The following JMY variants were observed in gnomAD, a reference collection of about 807,000 sequenced individuals.
The protein encoded by JMY is junction-mediating and -regulatory protein.
In JMY, 46 loss-of-function variants were observed where a neutral mutation model predicts 103.3. The observed-to-expected ratio is 0.45, with a 90% CI of 0.35 to 0.57. The LOEUF (loss-of-function observed/expected upper bound fraction) is 0.57, where lower values mean the gene tolerates loss of function less well. Among genes scored for constraint, JMY ranks in the 20% least tolerant of loss-of-function variants. The pLI, the probability that JMY is intolerant of heterozygous loss-of-function variation, is 0.00. For missense variants in JMY, 1,238 were observed against 1,255.2 expected, an observed-to-expected ratio of 0.99 and a Z score of 0.21; for synonymous variants, 526 against 489.3, an observed-to-expected ratio of 1.07 and a Z score of -0.99.
chr5:79,255,166 G>A (rs565279023), intron 1 of JMY, among the ~76,000 whole-genome samples: 24 of 143,830 alleles, frequency 1.7e-4, no homozygotes, highest in Non-Finnish European at 3.1e-4. Flanking sequence ...GTGCCATCTC[G>A]ACTCACTGCA....
intron 2 of JMY, among the ~76,000 whole-genome samples, chr5:79,281,108 G>A (rs1222794911): frequency 6.6e-6 from 1 of 151,624 alleles, no homozygotes; most frequent in East Asian, 1.9e-4. Context: ...GCAGTGGCGC[G>A]ATTTTGGCTC....
At chr5:79,298,959 G>T (rs1430502117) in intron 4 of JMY, among the ~76,000 whole-genome samples, 1 of 148,068 alleles carries the variant, frequency 6.8e-6, no homozygotes, top group East Asian at 2.0e-4. Flanking sequence ...AGGAAAATAA[G>T]AATTCACTGT....
chr5:79,257,849 G>A (rs924369827), intron 1 of JMY, among the ~76,000 whole-genome samples: 24 of 151,898 alleles, frequency 1.6e-4, no homozygotes, highest in African/African-American at 5.8e-4. Context: ...TGCAACTTCT[G>A]CCTCCTGTGT....
At chr5:79,254,185 C>A (rs1159143945) in intron 1 of JMY, among the ~76,000 whole-genome samples, 2 of 151,508 alleles carry the variant, frequency 1.3e-5, no homozygotes, top group Non-Finnish European at 2.9e-5. Flanking sequence ...AAACTCCTGA[C>A]CTCGTTCGTG....
intron 1 of JMY, among the ~76,000 whole-genome samples, chr5:79,270,418 T>C (rs1296491103): frequency 1.1e-5 from 1 of 90,382 alleles, no homozygotes; most frequent in African/African-American, 4.1e-5. Context: ...ATATTTAAAA[T>C]ATATATTTAC....
Position 79,278,071 on chromosome 5 carries a change from A to T in JMY, c.1194A>T (p.Arg398Ser). 1.9e-6 allele frequency: 3 copies of T among 1,611,854 alleles called. No homozygotes were observed. ...RDMRELAMLRRQQIKISMEND... is the reference protein window; with the variant it reads ...RDMRELAMLRSQQIKISMEND... ...TGAGAGAACTTGCCATGCTACGAAG[A>T]CAGCAGATCAAGGTATTTTTTTATT... is the stretch of plus-strand genomic sequence containing the variant. The change falls in exon 2 of 11, where the codon AGA becomes AGT. Residue 398 changes from arginine to serine, a missense_variant. Transcript: ENST00000396137.
chr5:79,277,497 G>A (rs1358578082), intron 1 of JMY, among the ~76,000 whole-genome samples: 1 of 151,974 alleles, frequency 6.6e-6, no homozygotes, highest in African/African-American at 2.4e-5. Flanking sequence ...AACTAGCCAG[G>A]TGTGGTGGTG....
intron 6 of JMY, among the ~76,000 whole-genome samples, chr5:79,305,450 CA>C (rs879681484): frequency 2.6e-4 from 37 of 141,380 alleles, no homozygotes; most frequent in Admixed American, 7.8e-4. Flanking sequence ...GACTCCATCT[CA>C]AAAAAAAAAA....
intron 2 of JMY, chr5:79,284,522 A>G: frequency 6.3e-7 from 1 of 1,585,280 alleles, no homozygotes; most frequent in Non-Finnish European, 8.6e-7. Context: ...CAGACGAAGC[A>G]AGTAACCATC....
At chr5:79,312,982 C>T (rs1292131390) in intron 8 of JMY, among the ~76,000 whole-genome samples, 1 of 152,168 alleles carries the variant, frequency 6.6e-6, no homozygotes, top group East Asian at 1.9e-4. Flanking sequence ...AGTATCCACA[C>T]ATCTCCTCAG....
At chr5:79,311,521 G>A (rs1162203722) in intron 7 of JMY, among the ~76,000 whole-genome samples, 1 of 152,144 alleles carries the variant, frequency 6.6e-6, no homozygotes, top group Non-Finnish European at 1.5e-5. Flanking sequence ...ATTTCCATTT[G>A]AAATTATCTG....
intron 2 of JMY, among the ~76,000 whole-genome samples, chr5:79,285,563 CTCTT>C (rs1199645169): frequency 4.1e-5 from 6 of 146,732 alleles, no homozygotes; most frequent in African/African-American, 7.5e-5. Context: ...TTCGATTTCT[CTCTT>C]TTTTTTTTTT....
At chr5:79,264,711 G>A (rs574802514) in intron 1 of JMY, among the ~76,000 whole-genome samples, 1 of 152,272 alleles carries the variant, frequency 6.6e-6, no homozygotes, top group Admixed American at 6.5e-5. Flanking sequence ...CTCTGTGCCT[G>A]CCTTCTAACG....
chr5:79,308,773 C>T (rs1427738925), intron 7 of JMY, among the ~76,000 whole-genome samples: 2 of 152,008 alleles, frequency 1.3e-5, no homozygotes, highest in African/African-American at 4.8e-5. Context: ...ACCGCCTTCT[C>T]CTACACCTAA....
At chr5:79,264,877 TGAGA>T (rs1265521236) in intron 1 of JMY, among the ~76,000 whole-genome samples, 10 of 152,176 alleles carry the variant, frequency 6.6e-5, no homozygotes, top group Admixed American at 2.6e-4. Flanking sequence ...GTAAATGCAG[TGAGA>T]GAAAGAGTGG....
chr5:79,306,336 A>G (rs781020166), intron 6 of JMY, 39 bp from the exon 7 acceptor site: 18 of 1,430,962 alleles, frequency 1.3e-5, no homozygotes, highest in Middle Eastern at 3.5e-4. Context: ...GAGTCTTTCA[A>G]GTTTCACTTG....
intron 1 of JMY, among the ~76,000 whole-genome samples, chr5:79,239,631 C>T (rs1744670569): frequency 6.6e-6 from 1 of 151,770 alleles, no homozygotes; most frequent in Non-Finnish European, 1.5e-5. Flanking sequence ...ACGGTGAAAC[C>T]CCGTCTCTAC....
At chr5:79,251,381 G>T (rs778196135) in intron 1 of JMY, among the ~76,000 whole-genome samples, 1 of 152,142 alleles carries the variant, frequency 6.6e-6, no homozygotes, top group Non-Finnish European at 1.5e-5. Flanking sequence ...ACAGCCATGC[G>T]CCACCATGCC....
chr5:79,240,159 G>A (rs536997298), intron 1 of JMY, among the ~76,000 whole-genome samples: 2 of 149,956 alleles, frequency 1.3e-5, no homozygotes, highest in Non-Finnish European at 3.0e-5. Flanking sequence ...GGGATTATAG[G>A]CGTGTGCCAC....
Sources: gnomAD v4.1 joint callset for allele counts (sites outside exome capture counted in the v4.1 genomes callset) on GRCh38, gnomAD v4.1.1 for gene constraint, MANE v1.5 for transcripts, NCBI Gene and HGNC (gene_info 2026-07-23, HGNC 2026-07-21) for gene names.